The following ATP8A2 variants were observed in gnomAD, a reference collection of about 807,000 sequenced individuals.
The protein encoded by ATP8A2 is ATPase phospholipid transporting 8A2.
Under a neutral mutation model 165.6 loss-of-function variants are expected in ATP8A2, and 100 were observed. The ratio of observed to expected loss-of-function variants is 0.60; its 90% CI spans 0.51 to 0.71. The LOEUF (loss-of-function observed/expected upper bound fraction) is 0.71. Ranked by LOEUF, ATP8A2 falls within the 30% of genes least tolerant of loss-of-function variation. ATP8A2 has a pLI of 0.00. For missense variants in ATP8A2, 1,227 were observed against 1,479.5 expected (o/e 0.83, Z 2.80); for synonymous variants, 543 against 548.8 (o/e 0.99, Z 0.15).
chr13:25,808,456 G>A (rs2138498551), intron 27 of ATP8A2, among the ~76,000 whole-genome samples: 1 of 151,970 alleles, frequency 6.6e-6, no homozygotes, highest in African/African-American at 2.4e-5. Context: ...AAAATTTGCT[G>A]GGCATGGTGG....
intron 28 of ATP8A2, among the ~76,000 whole-genome samples, chr13:25,830,185 A>T (rs1450850575): frequency 6.6e-6 from 1 of 151,172 alleles, no homozygotes; most frequent in Non-Finnish European, 1.5e-5. Flanking sequence ...ATTAAAAAAC[A>T]TTTTTTTTGT....
chr13:25,537,370 G>T lies in ATP8A2; in HGVS notation c.508-618G>T, dbSNP rs192908685. Among the ~76,000 whole-genome samples, 6 of 152,286 alleles carry T rather than the reference G, an allele frequency of 3.9e-5. 1 individual carries two copies. Among genetic ancestry groups the T allele is most frequent in the African/African-American group, 1.4e-4 (6 of 41,570 alleles). On this transcript the variant is annotated intron_variant, in intron 6 of 36. Coordinates refer to ENST00000381655, the MANE Select transcript of ATP8A2 (RefSeq NM_016529.6). Reference sequence around the variant, plus strand: ...TTTTGAATCCTGGTTCTAACACTCAGTGGCTGTATTACTGTGATCAAGTTA... The same window carrying T: ...TTTTGAATCCTGGTTCTAACACTCATTGGCTGTATTACTGTGATCAAGTTA...
At chr13:25,689,662 G>C (rs1330962349) in intron 24 of ATP8A2, among the ~76,000 whole-genome samples, 1 of 152,166 alleles carries the variant, frequency 6.6e-6, no homozygotes, top group Non-Finnish European at 1.5e-5. Context: ...TTCCTAGTTG[G>C]AGTGATGATA....
At chr13:25,720,722 A>G (rs1430340819) in intron 25 of ATP8A2, among the ~76,000 whole-genome samples, 2 of 152,008 alleles carry the variant, frequency 1.3e-5, no homozygotes, top group Non-Finnish European at 2.9e-5. Flanking sequence ...GTCCCCTTTA[A>G]CCATTCTCCA....
intron 2 of ATP8A2, among the ~76,000 whole-genome samples, chr13:25,476,789 G>A (rs2036007806): frequency 6.6e-6 from 1 of 152,158 alleles, no homozygotes; most frequent in African/African-American, 2.4e-5. Context: ...GGATATACTT[G>A]GTTAATTTCC....
chr13:25,749,851 A>G (rs1318196433), intron 25 of ATP8A2, among the ~76,000 whole-genome samples: 2 of 152,160 alleles, frequency 1.3e-5, no homozygotes, highest in Non-Finnish European at 2.9e-5. Context: ...AATTGTTGAC[A>G]TCTAAGTTTG....
chr13:25,666,348 T>A (rs2042153847), intron 24 of ATP8A2, among the ~76,000 whole-genome samples: 1 of 151,960 alleles, frequency 6.6e-6, no homozygotes, highest in South Asian at 2.1e-4. Context: ...TAGCTGGGAC[T>A]ACAGGCACCT....
chr13:25,656,714 C>G (rs2041935658), intron 24 of ATP8A2, among the ~76,000 whole-genome samples: 2 of 149,628 alleles, frequency 1.3e-5, no homozygotes, highest in Admixed American at 1.3e-4. Context: ...GCACTCCAGC[C>G]TGAGCAACAG....
chr13:25,610,188 C>T (rs992212651), intron 24 of ATP8A2, among the ~76,000 whole-genome samples: 1 of 151,992 alleles, frequency 6.6e-6, no homozygotes, highest in African/African-American at 2.4e-5. Flanking sequence ...AAGTCTTTGC[C>T]TAAGGCAATG....
chr13:25,640,517 A>G (rs2041490810), intron 24 of ATP8A2, among the ~76,000 whole-genome samples: 1 of 152,222 alleles, frequency 6.6e-6, no homozygotes, highest in Admixed American at 6.5e-5. Flanking sequence ...AAATGGATAA[A>G]TTCCTCGACA....
At chr13:25,735,771 G>A (rs568942769) in intron 25 of ATP8A2, among the ~76,000 whole-genome samples, 6 of 152,264 alleles carry the variant, frequency 3.9e-5, no homozygotes, top group South Asian at 4.1e-4. Flanking sequence ...TGGTGACGTC[G>A]TAGCTGTTGT....
chr13:25,845,912 A>G (rs1195172163), intron 30 of ATP8A2, among the ~76,000 whole-genome samples: 1 of 152,244 alleles, frequency 6.6e-6, no homozygotes, highest in African/African-American at 2.4e-5. Flanking sequence ...ACGGTGGCTC[A>G]TGCCTGTAAT....
At chr13:25,430,997 C>CACACACACACACACATATATAT in intron 1 of ATP8A2, among the ~76,000 whole-genome samples, 2 of 151,052 alleles carry the variant, frequency 1.3e-5, no homozygotes, top group Admixed American at 1.3e-4. Context: ...CTTCCTAAAA[C>CACACACACACACACATATATAT]ACACACACAC....
intron 2 of ATP8A2, among the ~76,000 whole-genome samples, chr13:25,501,295 G>A (rs1228000011): frequency 6.6e-6 from 1 of 152,182 alleles, no homozygotes; most frequent in Admixed American, 6.5e-5. Context: ...TAGGAAGCGT[G>A]GACAGTGGCC....
intron 33 of ATP8A2, among the ~76,000 whole-genome samples, chr13:25,875,790 C>A (rs1463647100): frequency 2.0e-5 from 3 of 152,302 alleles, no homozygotes; most frequent in Middle Eastern, 3.4e-3. Flanking sequence ...TTAATTACTT[C>A]ATGGAAAATG....
intron 1 of ATP8A2, among the ~76,000 whole-genome samples, chr13:25,375,935 T>A (rs2032609215): frequency 6.6e-6 from 1 of 152,134 alleles, no homozygotes; most frequent in African/African-American, 2.4e-5. Context: ...CAACTCACCC[T>A]GCCCTCTGCT....
intron 27 of ATP8A2, among the ~76,000 whole-genome samples, chr13:25,814,865 CA>C (rs1233397002): frequency 6.6e-6 from 1 of 151,928 alleles, no homozygotes; most frequent in Non-Finnish European, 1.5e-5. Flanking sequence ...AATAAAAATA[CA>C]AAAATTAGCC....
At chr13:25,405,953 C>T (rs138814023) in intron 1 of ATP8A2, among the ~76,000 whole-genome samples, 6 of 152,268 alleles carry the variant, frequency 3.9e-5, no homozygotes, top group African/African-American at 9.6e-5. Context: ...CATGTTGAGT[C>T]ATTCATCCAT....
chr13:25,715,420 A>G (rs1465940419), intron 25 of ATP8A2, among the ~76,000 whole-genome samples: 1 of 152,332 alleles, frequency 6.6e-6, no homozygotes, highest in Non-Finnish European at 1.5e-5. Flanking sequence ...CAGCAGTATA[A>G]CTATCACTAC....
Sources: gnomAD v4.1 joint callset for allele counts (sites outside exome capture counted in the v4.1 genomes callset) on GRCh38, gnomAD v4.1.1 for gene constraint, MANE v1.5 for transcripts, NCBI Gene and HGNC (gene_info 2026-07-23, HGNC 2026-07-21) for gene names.